The following YY1 variants were observed in gnomAD, a reference collection of about 807,000 sequenced individuals.
The protein encoded by YY1 is YY1 transcription factor.
YY1 carries 2 observed loss-of-function variants against 35.6 expected under a neutral mutation model. That is an observed-to-expected ratio of 0.06 (90% CI 0.02 to 0.18). The LOEUF (loss-of-function observed/expected upper bound fraction) is 0.18. YY1 is among the 10% of genes least tolerant of loss of function. The probability of loss-of-function intolerance (pLI) is 1.00; values close to 1 mark genes in which losing one functional copy is unlikely to be tolerated. For synonymous variants in YY1, 268 were observed against 238.9 expected (o/e 1.12, Z -1.12); for missense variants, 322 against 573.4 (o/e 0.56, Z 4.48).
chr14:100,244,968 G>C (rs1043739784), intron 1 of YY1, among the ~76,000 whole-genome samples: 5 of 147,334 alleles, frequency 3.4e-5, no homozygotes, highest in African/African-American at 1.3e-4. Flanking sequence ...ACAGAATCTC[G>C]CTCTGTCACC....
rs140784897 is a variant in YY1, at chr14:100,243,038, T to G, written c.679+3115T>G. Among the ~76,000 whole-genome samples, 23 of 152,346 alleles carry G rather than the reference T, an allele frequency of 1.5e-4. No individual in the cohort carries two copies. The East Asian group carries it at 4.4e-3, about 29-fold the overall frequency. On this transcript the variant is annotated intron_variant, in intron 1 of 4. Coordinates refer to ENST00000262238, the MANE Select transcript of YY1 (RefSeq NM_003403.5). ...TGGCCTGTTTCTCGGACATGTGTTTTGTGGTAAACTATCCCCCTTACTTTT... is the reference window on the plus strand; with the variant it reads ...TGGCCTGTTTCTCGGACATGTGTTTGGTGGTAAACTATCCCCCTTACTTTT...
Position 100,239,915 on chromosome 14 carries a change from G to A in YY1, c.671G>A (p.Trp224Ter). ...TLEGEFSVTM[W>*]SSDEKKDIDH... ...GAGGGCGAGTTCTCGGTCACCATGT[G>A]GTCCTCAGGTGAGCGCCGGCCGCGC... The change falls in exon 1 of 5, where the codon TGG becomes TAG. Residue 224 changes from tryptophan to a stop codon, truncating the protein, a stop_gained. Transcript: ENST00000262238. LOFTEE classifies it high-confidence loss of function. The A allele has an allele frequency of 6.5e-7, 1 of 1,527,832 alleles. No homozygotes were observed. The allele number at this position is 1,527,832 out of a possible 1,614,324, so 94.6% of individuals were successfully genotyped here.
At chr14:100,243,055 C>T (rs1017385242) in intron 1 of YY1, among the ~76,000 whole-genome samples, 1 of 152,196 alleles carries the variant, frequency 6.6e-6, no homozygotes, top group African/African-American at 2.4e-5. Flanking sequence ...AACTATCCCC[C>T]TTACTTTTCC....
intron 1 of YY1, among the ~76,000 whole-genome samples, chr14:100,261,072 C>A (rs905482467): frequency 6.6e-6 from 1 of 151,798 alleles, no homozygotes; most frequent in Non-Finnish European, 1.5e-5. Flanking sequence ...GCTGGGATTA[C>A]AGGCATGAGC....
intron 1 of YY1, among the ~76,000 whole-genome samples, chr14:100,242,852 G>A (rs1048218419): frequency 6.6e-6 from 1 of 151,684 alleles, no homozygotes; most frequent in Non-Finnish European, 1.5e-5. Context: ...GGATTCAAGG[G>A]ATTCTCATGT....
intron 2 of YY1, among the ~76,000 whole-genome samples, chr14:100,266,085 C>T (rs563094745): frequency 2.0e-5 from 3 of 152,048 alleles, no homozygotes; most frequent in Non-Finnish European, 4.4e-5. Flanking sequence ...AAGTGGAAAC[C>T]CCTGATAAAC....
chr14:100,268,739 A>G (rs1891190253), intron 2 of YY1, among the ~76,000 whole-genome samples: 1 of 152,230 alleles, frequency 6.6e-6, no homozygotes, highest in African/African-American at 2.4e-5. Context: ...AGGGAGGTGA[A>G]TCATGCTTGC....
intron 2 of YY1, among the ~76,000 whole-genome samples, chr14:100,269,101 G>T (rs987335557): frequency 1.3e-5 from 2 of 152,152 alleles, no homozygotes; most frequent in African/African-American, 2.4e-5. Context: ...GAGTTGTTGG[G>T]TGTCTGACTC....
At chr14:100,274,834 T>C (rs1414161593) in intron 3 of YY1, 76 bp downstream of exon 3, 1 of 1,311,178 alleles carries the variant, frequency 7.6e-7, no homozygotes, top group Non-Finnish European at 1.1e-6. Flanking sequence ...TTTGCACTTT[T>C]GTTTCTGCTT....
chr14:100,260,263 G>T (rs1891062359), intron 1 of YY1, among the ~76,000 whole-genome samples: 1 of 150,716 alleles, frequency 6.6e-6, no homozygotes, highest in African/African-American at 2.4e-5. Flanking sequence ...TTTTAGTAGA[G>T]TTGGGGTTTC....
At chr14:100,253,479 G>GTGA in intron 1 of YY1, among the ~76,000 whole-genome samples, 1 of 152,142 alleles carries the variant, frequency 6.6e-6, no homozygotes, top group Non-Finnish European at 1.5e-5. Context: ...GTGCAGTGGC[G>GTGA]TGATCTCGGC....
rs902280734 is a variant in YY1, at chr14:100,270,949, T to TA, written c.843-3737dup. Among the ~76,000 whole-genome samples the TA allele has an allele frequency of 2.6e-3, 380 of 145,438 alleles. 1 individual carries two copies. The highest frequency in any genetic ancestry group is 0.014 in the Admixed American group (205 of 14,610). On this transcript the variant is annotated intron_variant, in intron 2 of 4. Transcript: ENST00000262238. ...ACTCTTAATTGGGAACATTAAAACT[T>TA]AAAAAAAAAAAATAGGCTGGGCGCG...
intron 1 of YY1, among the ~76,000 whole-genome samples, chr14:100,240,726 C>CT (rs1052386840): frequency 1.3e-5 from 2 of 152,220 alleles, no homozygotes; most frequent in Admixed American, 1.3e-4. Flanking sequence ...TTTCGCCTTC[C>CT]TGCGGTACCT....
At chr14:100,274,220 G>A (rs538932908) in intron 2 of YY1, among the ~76,000 whole-genome samples, 9 of 152,210 alleles carry the variant, frequency 5.9e-5, no homozygotes, top group African/African-American at 1.7e-4. Flanking sequence ...GACCCATTTC[G>A]TGTATAGAGA....
chr14:100,274,348 T>C (rs1891289917), intron 2 of YY1, among the ~76,000 whole-genome samples: 2 of 152,142 alleles, frequency 1.3e-5, no homozygotes, highest in Non-Finnish European at 2.9e-5. Context: ...CATCTGATTG[T>C]CTGAGTTGAT....
Position 100,239,905 on chromosome 14 carries a change from G to A in YY1, c.661G>A (p.Val221Ile). ...QIKTLEGEFS[V>I]TMWSSDEKKD... Reference sequence around the variant, plus strand: ...CAAGACCCTGGAGGGCGAGTTCTCGGTCACCATGTGGTCCTCAGGTGAGCG... The same window carrying A: ...CAAGACCCTGGAGGGCGAGTTCTCGATCACCATGTGGTCCTCAGGTGAGCG... The change falls in exon 1 of 5, where the codon GTC becomes ATC. Residue 221 changes from valine (V) to isoleucine (I), a missense_variant. Val to Ile is a conservative substitution (Grantham distance 29). Transcript: ENST00000262238. 1 of 1,531,530 alleles carries A rather than the reference G, an allele frequency of 6.5e-7. No homozygotes were observed. 94.9% of individuals were successfully genotyped at this position (1,531,530 alleles called of 1,614,324 possible).
intron 1 of YY1, among the ~76,000 whole-genome samples, chr14:100,246,554 T>C (rs1890836799): frequency 6.6e-6 from 1 of 152,190 alleles, no homozygotes; most frequent in Non-Finnish European, 1.5e-5. Context: ...AAAATAATAA[T>C]CATTATTCTG....
rs566244757 is a variant in YY1 at position 100,252,619 on chromosome 14, C to T, written c.680-9685C>T. ...ATGGTTGCCCACATCACCTTACCCCCTTTGAATCAATGACTGTATTCTCAG... is the reference window on the plus strand; with the variant it reads ...ATGGTTGCCCACATCACCTTACCCCTTTTGAATCAATGACTGTATTCTCAG... On this transcript the variant is annotated intron_variant, in intron 1 of 4. Coordinates refer to ENST00000262238, the MANE Select transcript of YY1 (RefSeq NM_003403.5). 2.6e-5 allele frequency among the ~76,000 whole-genome samples: 4 copies of T among 152,310 alleles called. No individual in the cohort carries two copies. The South Asian group carries it at 8.3e-4, about 32-fold the overall frequency.
chr14:100,249,760 G>GTTTTTTTTTTTTTTTTT (rs34925666), intron 1 of YY1, among the ~76,000 whole-genome samples: 11 of 143,010 alleles, frequency 7.7e-5, no homozygotes, highest in African/African-American at 2.9e-4. Context: ...TTTTTTTTTT[G>GTTTTTTTTTTTTTTTTT]TTTGTTTTTG....
Sources: allele counts gnomAD v4.1 joint callset (sites outside exome capture counted in the v4.1 genomes callset), GRCh38; gene constraint gnomAD v4.1.1; transcripts MANE v1.5; gene names NCBI Gene and HGNC (gene_info 2026-07-23, HGNC 2026-07-21).